GLDN: variants seen among roughly 807,000 people sequenced by gnomAD.
The protein encoded by GLDN is collomin.
GLDN carries 47 observed loss-of-function variants against 56.5 expected under a neutral mutation model. The observed-to-expected ratio is 0.83, with a 90% CI of 0.66 to 1.06. The LOEUF (loss-of-function observed/expected upper bound fraction) is 1.06. GLDN is among the 50% of genes least tolerant of loss of function. The pLI is 0.00. For missense variants in GLDN, 782 were observed against 714.3 expected (o/e 1.09, Z -1.08); for synonymous variants, 332 against 278.8 (o/e 1.19, Z -1.90).
intron 9 of GLDN, among the ~76,000 whole-genome samples, chr15:51,403,040 G>T (rs1253583359): frequency 6.6e-6 from 1 of 152,196 alleles, no homozygotes; most frequent in Non-Finnish European, 1.5e-5. Flanking sequence ...GAGGTGGCGT[G>T]GGGGGCAGTT....
Position 51,377,446 on chromosome 15 carries a change from C to T in GLDN, c.364-3C>T. ...TGCTCTGATGACCCTCTCTCCCCTG[C>T]AGATCCGAGTGATGGTGGACCTGTG... On this transcript the variant is annotated splice_region_variant and splice_polypyrimidine_tract_variant and intron_variant, in intron 1 of 9. Transcript: ENST00000335449. 4 of 1,613,508 alleles carry T rather than the reference C, an allele frequency of 2.5e-6. No individual in the cohort carries two copies. The South Asian group carries it at 3.3e-5, about 13-fold the overall frequency.
downstream of GLDN, among the ~76,000 whole-genome samples, chr15:51,412,774 T>C (rs1459016421): frequency 1.3e-5 from 2 of 151,700 alleles, no homozygotes; most frequent in Non-Finnish European, 3.0e-5. Context: ...GTGGGCTGCC[T>C]TTTTTTTGTA....
chr15:51,360,577 C>T (rs2141063294), intron 1 of GLDN: 1 of 152,466 alleles, frequency 6.6e-6, no homozygotes, highest in South Asian at 2.1e-4. Flanking sequence ...TAACTTCCTC[C>T]TGGACACTGG....
chr15:51,379,514 A>G (rs1051192274), intron 2 of GLDN, among the ~76,000 whole-genome samples: 1 of 152,254 alleles, frequency 6.6e-6, no homozygotes, highest in South Asian at 2.1e-4. Flanking sequence ...TCACGGATCA[A>G]TGCTGCTGAG....
At chr15:51,372,367 C>A (rs1030084897) in intron 1 of GLDN, among the ~76,000 whole-genome samples, 4 of 152,206 alleles carry the variant, frequency 2.6e-5, no homozygotes, top group African/African-American at 9.7e-5. Flanking sequence ...AGTCGCCATG[C>A]AATGTAATAT....
At chr15:51,376,909 C>G (rs2037643563) in intron 1 of GLDN, among the ~76,000 whole-genome samples, 1 of 152,128 alleles carries the variant, frequency 6.6e-6, no homozygotes, top group Non-Finnish European at 1.5e-5. Flanking sequence ...TGGAATACCT[C>G]CTGAAGACCT....
chr15:51,359,982 A>AAAG (rs1210454123), intron 1 of GLDN, among the ~76,000 whole-genome samples: 2 of 151,068 alleles, frequency 1.3e-5, no homozygotes, highest in African/African-American at 4.9e-5. Flanking sequence ...CTGTCTCAAA[A>AAAG]AAAAAAAAAA....
intron 2 of GLDN, among the ~76,000 whole-genome samples, chr15:51,377,741 G>A (rs986004897): frequency 2.6e-5 from 4 of 152,170 alleles, no homozygotes; most frequent in Admixed American, 2.0e-4. Flanking sequence ...GAAACGTGTG[G>A]TACCTTGAAC....
intron 2 of GLDN, among the ~76,000 whole-genome samples, chr15:51,380,010 T>C (rs760265306): frequency 6.6e-6 from 1 of 152,068 alleles, no homozygotes; most frequent in Non-Finnish European, 1.5e-5. Context: ...AGGGCACCAC[T>C]CAGCCCCACC....
At chr15:51,355,712 A>T (rs1436946707) in intron 1 of GLDN, among the ~76,000 whole-genome samples, 1 of 149,068 alleles carries the variant, frequency 6.7e-6, no homozygotes, top group Non-Finnish European at 1.5e-5. Flanking sequence ...TTTAGTAGAG[A>T]CGGGGTTTCA....
At chr15:51,359,792 T>A (rs2037255313) in intron 1 of GLDN, among the ~76,000 whole-genome samples, 1 of 151,768 alleles carries the variant, frequency 6.6e-6, no homozygotes, top group Admixed American at 6.6e-5. Context: ...CTGGCTAACA[T>A]GGTGAAACCC....
chr15:51,395,323 C>T (rs1227975939), intron 5 of GLDN, among the ~76,000 whole-genome samples: 1 of 152,218 alleles, frequency 6.6e-6, no homozygotes, highest in Admixed American at 6.5e-5. Flanking sequence ...CAGAGGACAA[C>T]TGACAGGAAG....
At chr15:51,412,317 C>T (rs926225462), downstream of GLDN, among the ~76,000 whole-genome samples, 2 of 152,126 alleles carry the variant, frequency 1.3e-5, no homozygotes, top group African/African-American at 2.4e-5. Context: ...TTTTTGGCTC[C>T]CTCTGACCTT....
At chr15:51,384,685 A>T (rs1256220298) in intron 4 of GLDN, 1 of 152,562 alleles carries the variant, frequency 6.6e-6, no homozygotes, top group Admixed American at 6.5e-5. Flanking sequence ...AAGCTGGCAC[A>T]TGCTGTGGTG....
intron 4 of GLDN, 81 bp downstream of exon 4, chr15:51,383,973 G>A (rs943825883): frequency 6.6e-6 from 7 of 1,053,310 alleles, no homozygotes; most frequent in Non-Finnish European, 1.0e-5. Flanking sequence ...ACTGTGTGCA[G>A]CAGGGGTAAG....
intron 1 of GLDN, among the ~76,000 whole-genome samples, chr15:51,364,950 G>T (rs1352304395): frequency 6.6e-6 from 1 of 152,198 alleles, no homozygotes; most frequent in Non-Finnish European, 1.5e-5. Flanking sequence ...CTAACCTCAT[G>T]CCAAAAATGT....
chr15:51,387,142 A>G (rs760150268), intron 4 of GLDN, among the ~76,000 whole-genome samples: 1 of 152,102 alleles, frequency 6.6e-6, no homozygotes, highest in Non-Finnish European at 1.5e-5. Context: ...CTCAGGTGAC[A>G]AAGTAGAAGG....
At chr15:51,398,961 C>A (rs1280458655) in intron 6 of GLDN, among the ~76,000 whole-genome samples, 1 of 152,202 alleles carries the variant, frequency 6.6e-6, no homozygotes, top group Non-Finnish European at 1.5e-5. Context: ...TCGGCAGGGG[C>A]TGGATGCAGA....
chr15:51,388,609 C>G (rs2037950000), intron 4 of GLDN, among the ~76,000 whole-genome samples: 1 of 152,202 alleles, frequency 6.6e-6, no homozygotes, highest in Non-Finnish European at 1.5e-5. Context: ...AGCCAAGGAG[C>G]TCAATAAATT....
Sources: allele counts gnomAD v4.1 joint callset (sites outside exome capture counted in the v4.1 genomes callset), GRCh38; gene constraint gnomAD v4.1.1; transcripts MANE v1.5; gene names NCBI Gene and HGNC (gene_info 2026-07-23, HGNC 2026-07-21).